The following ITGA6 variants were observed in gnomAD, a reference collection of about 807,000 sequenced individuals.
The protein encoded by ITGA6 is integrin subunit alpha 6.
Under a neutral mutation model 133.6 loss-of-function variants are expected in ITGA6, and 63 were observed. The observed-to-expected ratio is 0.47, with a 90% confidence interval of 0.38 to 0.58. The LOEUF (loss-of-function observed/expected upper bound fraction) is 0.58, where lower values mean the gene tolerates loss of function less well. ITGA6 is among the 20% of genes least tolerant of loss of function. ITGA6 has a pLI of 0.00. For synonymous variants in ITGA6, 434 were observed against 482.0 expected, an observed-to-expected ratio of 0.90 and a Z score of 1.30; for missense variants, 1,068 against 1,309.4, an observed-to-expected ratio of 0.82 and a Z score of 2.85.
At position 172,448,033 on chromosome 2, in the gene ITGA6, G is replaced by A. The variant is rs1574332883; in HGVS notation, c.183-17506G>A. Among the ~76,000 whole-genome samples, 6 of 152,004 alleles carry A rather than the reference G, an allele frequency of 3.9e-5. No individual in the cohort carries two copies. The East Asian group carries it at 1.2e-3, about 29-fold the overall frequency. On this transcript the variant is annotated intron_variant, in intron 1 of 25. Transcript: ENST00000684293. ...TCAGGTTAAGAACTAGAACCCTCAG[G>A]CGCAAATGTCACATGAGCATCATAT...
intron 1 of ITGA6, among the ~76,000 whole-genome samples, chr2:172,450,205 C>T (rs2149015000): frequency 6.6e-6 from 1 of 152,230 alleles, no homozygotes; most frequent in Non-Finnish European, 1.5e-5. Flanking sequence ...CATTCCATTG[C>T]CCATCGGAAC....
chr2:172,459,014 A>G (rs765240354), intron 1 of ITGA6, among the ~76,000 whole-genome samples: 1 of 152,310 alleles, frequency 6.6e-6, no homozygotes, highest in Non-Finnish European at 1.5e-5. Flanking sequence ...AAATGAGAGA[A>G]AGGGTAGATT....
At position 172,497,989 on chromosome 2, in the gene ITGA6, G is replaced by A. The variant is rs902047827; in HGVS notation, c.3003G>A (p.Val1001=). 1 of 1,613,916 alleles carries A rather than the reference G, an allele frequency of 6.2e-7. No individual in the cohort carries two copies. Among genetic ancestry groups the A allele is most frequent in the African/African-American group, 1.3e-5 (1 of 75,006 alleles). The change falls in exon 24 of 26, where the codon GTG becomes GTA. Residue 1001 remains valine, a synonymous_variant. Coordinates refer to ENST00000684293, the MANE Select transcript of ITGA6 (RefSeq NM_000210.4). ...PNAGTQVRVT[V]FPSKTVAQYS... is the part of the protein sequence containing the mutation. ...CTGCCCTGTAGGTTCGAGTGACTGTGTTTCCCTCAAAGACTGTAGCTCAGT... is the reference window on the plus strand; with the variant it reads ...CTGCCCTGTAGGTTCGAGTGACTGTATTTCCCTCAAAGACTGTAGCTCAGT...
At chr2:172,444,754 G>A (rs185816612) in intron 1 of ITGA6, among the ~76,000 whole-genome samples, 2 of 133,270 alleles carry the variant, frequency 1.5e-5, no homozygotes, top group African/African-American at 3.0e-5. Context: ...TAATCGCCAC[G>A]TATTTCCCCC....
intron 4 of ITGA6, among the ~76,000 whole-genome samples, chr2:172,469,878 C>T (rs565051324): frequency 5.3e-5 from 8 of 152,070 alleles, no homozygotes; most frequent in African/African-American, 1.2e-4. Context: ...AGATTACAGA[C>T]GAATTGGGGA....
rs1574427153 is a variant in ITGA6, at chr2:172,505,373, A to G, written c.*1305A>G. On this transcript the variant is annotated 3_prime_UTR_variant, in exon 26 of 26. Transcript: ENST00000684293. ...TATGGTGGATCCAAACTGATCCAGT[A>G]TAAGACTACTGAATCTGCTACCAAA... is the stretch of plus-strand genomic sequence containing the variant. 6.6e-6 allele frequency: 1 copy of G among 152,366 alleles called. No individual in the cohort carries two copies. Among genetic ancestry groups the G allele is most frequent in the East Asian group, 1.9e-4 (1 of 5,190 alleles). 9.4% of individuals were successfully genotyped at this position (152,366 alleles called of 1,614,324 possible).
Position 172,474,117 on chromosome 2 carries a change from G to C in ITGA6, c.838G>C (p.Ala280Pro). The C allele has an allele frequency of 1.2e-6, 2 of 1,613,980 alleles. No individual in the cohort carries two copies. Among genetic ancestry groups the C allele is most frequent in the Non-Finnish European group, 1.7e-6 (2 of 1,179,992 alleles). ...SKDEITFVSG[A>P]PRANHSGAVV... ...AGATGAGATCACTTTTGTATCTGGT[G>C]CTCCCAGAGCCAATCACAGTGGAGC... The change falls in exon 6 of 26, where the codon GCT (alanine) becomes CCT (proline). Residue 280 changes from alanine (A) to proline (P), a missense_variant. By Grantham distance (27) the Ala-to-Pro change is conservative. Coordinates refer to ENST00000684293, the MANE Select transcript of ITGA6 (RefSeq NM_000210.4).
intron 23 of ITGA6, among the ~76,000 whole-genome samples, chr2:172,495,920 C>G (rs112740461): frequency 2.6e-5 from 4 of 152,220 alleles, no homozygotes; most frequent in African/African-American, 9.6e-5. Context: ...AAAGCTGATT[C>G]TCCTTGCCGA....
chr2:172,494,030 A>AT (rs1209785104), intron 23 of ITGA6, among the ~76,000 whole-genome samples: 1 of 152,068 alleles, frequency 6.6e-6, no homozygotes, highest in Non-Finnish European at 1.5e-5. Context: ...AAATTGAGAC[A>AT]TTTTCTTAAC....
chr2:172,480,399 TGGTTGTGA>T (rs1686385379), intron 11 of ITGA6, among the ~76,000 whole-genome samples: 1 of 152,124 alleles, frequency 6.6e-6, no homozygotes, highest in South Asian at 2.1e-4. Flanking sequence ...TGGTGGCTGG[TGGTTGTGA>T]GGTGGTGGGT....
chr2:172,450,817 T>A (rs6721597), intron 1 of ITGA6, among the ~76,000 whole-genome samples: 41,660 of 146,498 alleles, frequency 0.28, 6,289 homozygotes, highest in East Asian at 0.56. Context: ...TTTGTATGTA[T>A]GTGTATATAT....
At chr2:172,488,341 T>A in intron 19 of ITGA6, 113 bp downstream of exon 19, 1 of 782,224 alleles carries the variant, frequency 1.3e-6, no homozygotes, top group Non-Finnish European at 2.2e-6. Context: ...TGTAAGTAAA[T>A]CATGAGTTAA....
At chr2:172,493,963 A>G (rs1363190238) in intron 23 of ITGA6, among the ~76,000 whole-genome samples, 2 of 152,112 alleles carry the variant, frequency 1.3e-5, no homozygotes, top group African/African-American at 4.8e-5. Flanking sequence ...TGTCTTCACA[A>G]ATTGGTAGAT....
At chr2:172,472,413 A>G (rs4972832) in intron 5 of ITGA6, among the ~76,000 whole-genome samples, 21,519 of 152,284 alleles carry the variant, frequency 0.14, 1,678 homozygotes, top group Non-Finnish European at 0.17. Context: ...TTTAAGATGG[A>G]TGGCTGTGGA....
chr2:172,457,295 CAAAAAAAAAAAAA>C (rs71403305), intron 1 of ITGA6, among the ~76,000 whole-genome samples: 11 of 79,352 alleles, frequency 1.4e-4, no homozygotes, highest in African/African-American at 4.9e-4. Flanking sequence ...ATTCTGTCTC[CAAAAAAAAAAAAA>C]AAAAAAAGAA....
chr2:172,443,163 A>AT (rs986196823), intron 1 of ITGA6, among the ~76,000 whole-genome samples: 17 of 152,056 alleles, frequency 1.1e-4, no homozygotes, highest in Non-Finnish European at 2.1e-4. Flanking sequence ...ATGTACATAG[A>AT]TTTTTTTTAC....
At chr2:172,468,201 C>G (rs936242833) in intron 3 of ITGA6, among the ~76,000 whole-genome samples, 2 of 152,136 alleles carry the variant, frequency 1.3e-5, no homozygotes, top group African/African-American at 4.8e-5. Context: ...TGGGCATGGT[C>G]TTAGAAAGTA....
chr2:172,459,573 A>G (rs996420061), intron 1 of ITGA6, among the ~76,000 whole-genome samples: 2 of 152,184 alleles, frequency 1.3e-5, no homozygotes, highest in Non-Finnish European at 2.9e-5. Flanking sequence ...GGATACTAGA[A>G]TTAATTACAG....
chr2:172,501,209 T>C (rs1687334526), intron 24 of ITGA6, among the ~76,000 whole-genome samples: 1 of 152,198 alleles, frequency 6.6e-6, no homozygotes, highest in African/African-American at 2.4e-5. Flanking sequence ...ACAGCAATCA[T>C]TCTTTCATGA....
Sources: allele counts gnomAD v4.1 joint callset (sites outside exome capture counted in the v4.1 genomes callset), GRCh38; gene constraint gnomAD v4.1.1; transcripts MANE v1.5; gene names NCBI Gene and HGNC (gene_info 2026-07-23, HGNC 2026-07-21).